Variants in DNAJB6 observed in about 807,000 individuals in gnomAD.
DNAJB6 encodes dnaJ homolog subfamily B member 6.
A neutral mutation model predicts 42.7 loss-of-function variants in DNAJB6; 16 were observed. The observed-to-expected ratio is 0.37, with a 90% confidence interval of 0.25 to 0.57. DNAJB6 has a LOEUF of 0.57. Among genes scored for constraint, DNAJB6 ranks in the 20% least tolerant of loss-of-function variants. The pLI is 0.74. For missense variants in DNAJB6, 347 were observed against 416.8 expected, an observed-to-expected ratio of 0.83 and a Z score of 1.46; for synonymous variants, 170 against 163.5, an observed-to-expected ratio of 1.04 and a Z score of -0.30.
chr7:157,391,283 T>A (rs1801329128), intron 8 of DNAJB6, among the ~76,000 whole-genome samples: 1 of 152,242 alleles, frequency 6.6e-6, no homozygotes, highest in East Asian at 1.9e-4. Context: ...TTGAGAACTT[T>A]GCTGCTCGTC....
intron 1 of DNAJB6, among the ~76,000 whole-genome samples, chr7:157,353,102 A>T (rs985972472): frequency 1.3e-5 from 2 of 150,034 alleles, no homozygotes; most frequent in African/African-American, 4.9e-5. Context: ...AATTTTTAAA[A>T]TTTTTCGTAG....
chr7:157,358,522 A>C, intron 1 of DNAJB6, 25 bp from the exon 2 acceptor site: 1 of 1,516,384 alleles, frequency 6.6e-7, no homozygotes, highest in Non-Finnish European at 9.2e-7. Flanking sequence ...CAGCCTCATC[A>C]CTGACCACCT....
chr7:157,365,066 C>G (rs1335821244), intron 3 of DNAJB6, among the ~76,000 whole-genome samples: 1 of 152,220 alleles, frequency 6.6e-6, no homozygotes, highest in Non-Finnish European at 1.5e-5. Flanking sequence ...ATTCTCCCAT[C>G]TCGGCTTCCT....
chr7:157,359,102 G>C (rs1799452378), intron 2 of DNAJB6, among the ~76,000 whole-genome samples: 1 of 152,166 alleles, frequency 6.6e-6, no homozygotes, highest in African/African-American at 2.4e-5. Context: ...ACCAGGGCCT[G>C]GCCATTGTGA....
chr7:157,397,155 G>A (rs1026353434), intron 8 of DNAJB6, among the ~76,000 whole-genome samples: 1 of 152,206 alleles, frequency 6.6e-6, no homozygotes, highest in Non-Finnish European at 1.5e-5. Context: ...AGCCAGCCCC[G>A]TGCGTCTGTA....
At position 157,416,138 on chromosome 7, in the gene DNAJB6, G is replaced by A. The variant is rs767669570; in HGVS notation, c.*40G>A. 25 of 1,595,758 alleles carry A rather than the reference G, an allele frequency of 1.6e-5. No homozygotes were observed. The East Asian group carries it at 3.9e-4, about 25-fold the overall frequency. ...ACGCGGTGCACCCCCAGACGCTGGCGCTCCACCGTGCTCGGCATGCGGTCG... is the reference window on the plus strand; with the variant it reads ...ACGCGGTGCACCCCCAGACGCTGGCACTCCACCGTGCTCGGCATGCGGTCG... On this transcript the variant is annotated 3_prime_UTR_variant, in exon 10 of 10. Coordinates refer to ENST00000262177, the MANE Select transcript of DNAJB6 (RefSeq NM_058246.4).
At chr7:157,370,191 C>CA (rs1800123140) in intron 5 of DNAJB6, among the ~76,000 whole-genome samples, 1 of 150,628 alleles carries the variant, frequency 6.6e-6, no homozygotes, top group African/African-American at 2.5e-5. Flanking sequence ...CAGGCCCCTT[C>CA]TTAACATTAT....
At chr7:157,382,203 T>C (rs771621070) in intron 5 of DNAJB6, 43 bp from the exon 6 acceptor site, 9 of 1,531,004 alleles carry the variant, frequency 5.9e-6, no homozygotes, top group Non-Finnish European at 7.9e-6. Flanking sequence ...GGAAAAAAAC[T>C]TGAAAAAAAG....
At chr7:157,348,098 A>C (rs888637503) in intron 1 of DNAJB6, among the ~76,000 whole-genome samples, 1 of 141,250 alleles carries the variant, frequency 7.1e-6, no homozygotes, top group African/African-American at 2.7e-5. Flanking sequence ...GCCTGGCCTT[A>C]TTTTATTTTT....
intron 1 of DNAJB6, among the ~76,000 whole-genome samples, chr7:157,341,968 G>A (rs1798412503): frequency 6.6e-6 from 1 of 152,102 alleles, no homozygotes; most frequent in South Asian, 2.1e-4. Context: ...TGGGGTTCAA[G>A]CGATTCTCCT....
chr7:157,359,480 T>A (rs1799470940), intron 2 of DNAJB6, among the ~76,000 whole-genome samples: 1 of 152,178 alleles, frequency 6.6e-6, no homozygotes, highest in Admixed American at 6.5e-5. Context: ...CCCAGATTGC[T>A]GCGGTTATAT....
At chr7:157,352,613 G>A (rs533239712) in intron 1 of DNAJB6, among the ~76,000 whole-genome samples, 9 of 151,998 alleles carry the variant, frequency 5.9e-5, no homozygotes, top group East Asian at 1.9e-4. Flanking sequence ...TGTGCCCATC[G>A]CTCCTGCCTG....
At position 157,366,655 on chromosome 7, in the gene DNAJB6, A is replaced by G. The variant is rs183454535; in HGVS notation, c.235+94A>G. On this transcript the variant is annotated intron_variant, in intron 4 of 9. Transcript: ENST00000262177. Reference sequence around the variant, plus strand: ...GTCTCTTGGTCAGAGTCGATTTTGTATCAGTAAATAGAGATGCAACGTAGA... The same window carrying G: ...GTCTCTTGGTCAGAGTCGATTTTGTGTCAGTAAATAGAGATGCAACGTAGA... 6.9e-5 allele frequency: 81 copies of G among 1,169,750 alleles called. No homozygotes were observed. The East Asian group carries it at 1.4e-3, about 20-fold the overall frequency. The allele number at this position is 1,169,750 out of a possible 1,614,324, so 72.5% of individuals were successfully genotyped here.
At chr7:157,388,642 G>A (rs538051410) in intron 8 of DNAJB6, among the ~76,000 whole-genome samples, 2 of 150,452 alleles carry the variant, frequency 1.3e-5, no homozygotes, top group African/African-American at 2.4e-5. Context: ...AGCTTTTGGG[G>A]GGGGGGTAAG....
At chr7:157,410,310 T>A in intron 9 of DNAJB6, 1 of 525,856 alleles carries the variant, frequency 1.9e-6, no homozygotes. Context: ...TAGACGTGCC[T>A]TTTCGTAGCT....
intron 8 of DNAJB6, among the ~76,000 whole-genome samples, chr7:157,397,277 C>T (rs796811724): frequency 1.3e-5 from 2 of 152,210 alleles, no homozygotes; most frequent in African/African-American, 2.4e-5. Flanking sequence ...TTTGGTGTCT[C>T]CTTGAACCTC....
chr7:157,373,743 T>C (rs1400440452), intron 5 of DNAJB6, among the ~76,000 whole-genome samples: 1 of 152,210 alleles, frequency 6.6e-6, no homozygotes, highest in Non-Finnish European at 1.5e-5. Flanking sequence ...GCTGGTGACC[T>C]GGACCCACTA....
chr7:157,341,185 C>T (rs910444717), intron 1 of DNAJB6, among the ~76,000 whole-genome samples: 2 of 152,084 alleles, frequency 1.3e-5, no homozygotes, highest in Non-Finnish European at 2.9e-5. Context: ...GATGCAGTGG[C>T]GCCATCTCGG....
intron 8 of DNAJB6, among the ~76,000 whole-genome samples, chr7:157,397,342 C>T (rs989090458): frequency 3.3e-5 from 5 of 152,182 alleles, no homozygotes; most frequent in Admixed American, 1.3e-4. Context: ...TCACGGCCGC[C>T]CAGCCAGGGA....
Sources: allele counts gnomAD v4.1 joint callset (sites outside exome capture counted in the v4.1 genomes callset), GRCh38; gene constraint gnomAD v4.1.1; transcripts MANE v1.5; gene names NCBI Gene and HGNC (gene_info 2026-07-23, HGNC 2026-07-21).